Variants in COL4A1 observed in about 807,000 individuals in gnomAD.
The protein encoded by COL4A1 is collagen alpha-1(IV) chain.
Under a neutral mutation model 216.6 loss-of-function variants are expected in COL4A1, and 40 were observed. The observed-to-expected ratio is 0.18, with a 90% CI of 0.14 to 0.24. The LOEUF (loss-of-function observed/expected upper bound fraction) is 0.24. Ranked by LOEUF, COL4A1 falls within the 10% of genes least tolerant of loss-of-function variation. The pLI, the probability that COL4A1 is intolerant of heterozygous loss-of-function variation, is 1.00. For synonymous variants in COL4A1, 839 were observed against 810.7 expected (o/e 1.03, Z -0.59); for missense variants, 1,628 against 2,196.8 (o/e 0.74, Z 5.18).
At chr13:110,276,292 C>T (rs1883427743) in intron 1 of COL4A1, among the ~76,000 whole-genome samples, 1 of 152,194 alleles carries the variant, frequency 6.6e-6, no homozygotes, top group Non-Finnish European at 1.5e-5. Flanking sequence ...AACAGTGGAA[C>T]AGAGCTTCGT....
rs117049792 is a variant in COL4A1, at chr13:110,285,612, C to T, written c.84+21332G>A. The stretch of plus-strand genomic sequence containing the variant: ...TGAGATGAACATTTGAACTGGTGCA[C>T]TGAGTAAAGCAGAACCATCCTCCCC... On this transcript the variant is annotated intron_variant, in intron 1 of 51. Transcript: ENST00000375820. 1.8e-4 allele frequency among the ~76,000 whole-genome samples: 28 copies of T among 152,298 alleles called. No homozygotes were observed. The East Asian group carries it at 5.4e-3, about 29-fold the overall frequency.
intron 1 of COL4A1, among the ~76,000 whole-genome samples, chr13:110,283,831 T>C (rs554752965): frequency 6.8e-4 from 103 of 152,310 alleles, no homozygotes; most frequent in African/African-American, 2.3e-3. Flanking sequence ...TGGGGGGTTA[T>C]TTTTCATGAC....
intron 1 of COL4A1, among the ~76,000 whole-genome samples, chr13:110,263,598 C>T (rs1278033150): frequency 6.6e-6 from 1 of 152,162 alleles, no homozygotes; most frequent in Non-Finnish European, 1.5e-5. Context: ...GGACCACAGG[C>T]GTGTACCACC....
intron 1 of COL4A1, among the ~76,000 whole-genome samples, chr13:110,264,350 G>C (rs759860183): frequency 6.6e-6 from 1 of 152,150 alleles, no homozygotes; most frequent in Non-Finnish European, 1.5e-5. Context: ...AGTTAGCTGA[G>C]TCAACTAACC....
chr13:110,239,227 T>C (rs1881453105), intron 2 of COL4A1, among the ~76,000 whole-genome samples: 1 of 152,214 alleles, frequency 6.6e-6, no homozygotes, highest in Non-Finnish European at 1.5e-5. Flanking sequence ...CACTAAAATG[T>C]ATTTATAGTA....
chr13:110,165,161 A>G (rs977051881), intron 45 of COL4A1, among the ~76,000 whole-genome samples, 171 bp from the exon 46 acceptor site: 7 of 152,166 alleles, frequency 4.6e-5, no homozygotes, highest in African/African-American at 1.7e-4. Flanking sequence ...TCCAATCTGC[A>G]CATCTTTATT....
chr13:110,219,752 GTA>G (rs1416102632), intron 2 of COL4A1, among the ~76,000 whole-genome samples: 1 of 136,988 alleles, frequency 7.3e-6, no homozygotes, highest in African/African-American at 2.7e-5. Flanking sequence ...ATACATATGT[GTA>G]TATATGCGTA....
chr13:110,212,181 G>T (rs888923051), intron 6 of COL4A1, among the ~76,000 whole-genome samples: 11 of 152,196 alleles, frequency 7.2e-5, no homozygotes, highest in African/African-American at 2.2e-4. Context: ...TAACTTTCGT[G>T]CTTAAATGCA....
rs977406712 is a variant in COL4A1, at chr13:110,210,116, A to G, written c.552+13T>C. 18 of 1,614,004 alleles carry G rather than the reference A, an allele frequency of 1.1e-5. No individual in the cohort carries two copies. Among genetic ancestry groups the G allele is most frequent in the Non-Finnish European group, 1.4e-5 (17 of 1,180,004 alleles). On this transcript the variant is annotated intron_variant, in intron 9 of 51. Transcript: ENST00000375820. Reference sequence around the variant, plus strand: ...AGGTGGCACATGTTCATAATGATTCAGCAAATGCTTACTGGAGTCCCTGGG... The same window carrying G: ...AGGTGGCACATGTTCATAATGATTCGGCAAATGCTTACTGGAGTCCCTGGG...
At chr13:110,167,559 C>T (rs986555954) in intron 43 of COL4A1, among the ~76,000 whole-genome samples, 1 of 152,280 alleles carries the variant, frequency 6.6e-6, no homozygotes, top group Non-Finnish European at 1.5e-5. Flanking sequence ...AGCCAGGGCC[C>T]CCTCAACACC....
intron 28 of COL4A1, among the ~76,000 whole-genome samples, chr13:110,182,543 C>G (rs1206162365): frequency 6.6e-6 from 1 of 152,172 alleles, no homozygotes; most frequent in East Asian, 1.9e-4. Context: ...CTCCTCACCT[C>G]CTTCCAGTTT....
Position 110,211,826 on chromosome 13 carries a change from TA to T in COL4A1, c.441+42del. ...AAATGGAATGAAAAGAGAGAAGTCATAACTAAAAGAAAGAAGTTCTGCCCTA... is the reference window on the plus strand; with the variant it reads ...AAATGGAATGAAAAGAGAGAAGTCATACTAAAAGAAAGAAGTTCTGCCCTA... On this transcript the variant is annotated intron_variant, in intron 7 of 51. Coordinates refer to ENST00000375820, the MANE Select transcript of COL4A1 (RefSeq NM_001845.6). This position sits in a 1 kb window ranked among gnomAD's most constrained non-coding sequence, Gnocchi z 4.3. The T allele has an allele frequency of 6.2e-7, 1 of 1,605,644 alleles. No individual in the cohort carries two copies.
In COL4A1 at chr13:110,192,216, G is replaced by A. The variant is rs578161281; in HGVS notation, c.1534C>T (p.Pro512Ser). ...TGAACTCAGACAGGTTTACTTACTG[G>A]CACTCCTGCAACACCATCTCTGCCA... Reference protein sequence around the residue: ...LPGRDGVAGVPGPQGTPGLIG... With the variant: ...LPGRDGVAGVSGPQGTPGLIG... The change falls in exon 24 of 52, where the codon CCA (proline) becomes TCA (serine). Residue 512 changes from proline (P) to serine (S), a missense_variant and splice_region_variant. Physicochemically the swap from Pro to Ser is moderately conservative, Grantham distance 74. Coordinates refer to ENST00000375820, the MANE Select transcript of COL4A1 (RefSeq NM_001845.6). The A allele has an allele frequency of 1.6e-4, 259 of 1,614,110 alleles. 2 individuals are homozygous for A. In the South Asian group the frequency reaches 2.7e-3, roughly 17 times the overall value.
chr13:110,182,197 A>G (rs1049423272), intron 28 of COL4A1, among the ~76,000 whole-genome samples: 1 of 152,152 alleles, frequency 6.6e-6, no homozygotes, highest in Non-Finnish European at 1.5e-5. Flanking sequence ...GCCTGAGGGA[A>G]GCAGCCGTGG....
At position 110,200,748 on chromosome 13, in the gene COL4A1, C is replaced by T. The variant is rs573359466; in HGVS notation, c.1120+106G>A. On this transcript the variant is annotated intron_variant, in intron 20 of 51. Coordinates refer to ENST00000375820, the MANE Select transcript of COL4A1 (RefSeq NM_001845.6). ...AGAAAAGATGTCGTAAGATTGCTAC[C>T]GATTGTGTGCAAATATCTAACATTC... The T allele has an allele frequency of 2.1e-5, 25 of 1,206,972 alleles. No homozygotes were observed. The Admixed American group carries it at 3.0e-4, about 15-fold the overall frequency. The allele number at this position is 1,206,972 out of a possible 1,614,324, so 74.8% of individuals were successfully genotyped here. A position where few individuals can be genotyped will look rare whatever the true frequency, so the allele number is the denominator to read the frequency against.
At chr13:110,169,525 C>T (rs111663216) in intron 43 of COL4A1, 104 bp downstream of exon 43, 20 of 1,501,360 alleles carry the variant, frequency 1.3e-5, no homozygotes, top group African/African-American at 4.4e-5. Flanking sequence ...CACACACACA[C>T]ATATATATAC....
chr13:110,182,769 T>C (rs1878226742), intron 28 of COL4A1, among the ~76,000 whole-genome samples: 1 of 152,246 alleles, frequency 6.6e-6, no homozygotes, highest in African/African-American at 2.4e-5. Flanking sequence ...CCCATGCAGC[T>C]TGCACAGCCT....
Position 110,307,064 on chromosome 13 carries a change from G to A in COL4A1, c.-37C>T. Reference sequence around the variant, plus strand: ...CGAGGCGGCGAGGGACGGCTGCCCGGCGTGCGGGGGCCGCGGCGGACAGCT... The same window carrying A: ...CGAGGCGGCGAGGGACGGCTGCCCGACGTGCGGGGGCCGCGGCGGACAGCT... On this transcript the variant is annotated 5_prime_UTR_variant, in exon 1 of 52. Coordinates refer to ENST00000375820, the MANE Select transcript of COL4A1 (RefSeq NM_001845.6). The surrounding 1 kb of genome is among the most constrained non-coding windows in gnomAD (Gnocchi z 5.0). 7.1e-7 allele frequency: 1 copy of A among 1,411,048 alleles called. No individual in the cohort carries two copies. The allele number at this position is 1,411,048 out of a possible 1,614,324, so 87.4% of individuals were successfully genotyped here.
intron 2 of COL4A1, 84 bp from the exon 3 acceptor site, chr13:110,214,099 A>G (rs1769960904): frequency 9.9e-6 from 11 of 1,114,166 alleles, no homozygotes; most frequent in Admixed American, 1.7e-5. Context: ...ATGGCTATAT[A>G]TATATTTTTT....
Sources: gnomAD v4.1 joint callset for allele counts (sites outside exome capture counted in the v4.1 genomes callset) on GRCh38, gnomAD v4.1.1 for gene constraint, Gnocchi (gnomAD v3.1) non-coding constraint, MANE v1.5 for transcripts, NCBI Gene and HGNC (gene_info 2026-07-23, HGNC 2026-07-21) for gene names.